CHRM3: variants seen among roughly 807,000 people sequenced by gnomAD.
The protein encoded by CHRM3 is cholinergic receptor muscarinic 3, also known as muscarinic acetylcholine receptor M3.
In CHRM3, 11 loss-of-function variants were observed where a neutral mutation model predicts 41.8. That is an observed-to-expected ratio of 0.26 (90% CI 0.17 to 0.44). The LOEUF (loss-of-function observed/expected upper bound fraction) is 0.44, where lower values mean the gene tolerates loss of function less well. Ranked by LOEUF, CHRM3 falls within the 20% of genes least tolerant of loss-of-function variation. The pLI is 1.00. For synonymous variants in CHRM3, 297 were observed against 301.4 expected, an observed-to-expected ratio of 0.99 and a Z score of 0.15; for missense variants, 571 against 745.4, an observed-to-expected ratio of 0.77 and a Z score of 2.72.
intron 3 of CHRM3, among the ~76,000 whole-genome samples, chr1:239,562,820 G>A (rs1021642883): frequency 6.6e-6 from 1 of 151,296 alleles, no homozygotes; most frequent in Non-Finnish European, 1.5e-5. Context: ...ACTGGAAGGT[G>A]GAGGTTACAG....
At chr1:239,484,090 C>CTT (rs1390752164) in intron 1 of CHRM3, among the ~76,000 whole-genome samples, 185 of 152,216 alleles carry the variant, frequency 1.2e-3, no homozygotes, top group Non-Finnish European at 2.0e-3. Context: ...TGGATGTATT[C>CTT]GTTCTTTCTT....
intron 1 of CHRM3, among the ~76,000 whole-genome samples, chr1:239,482,318 A>G (rs557328019): frequency 1.3e-5 from 2 of 152,198 alleles, no homozygotes; most frequent in South Asian, 2.1e-4. Context: ...GTCCACGTGG[A>G]CATGCGACTG....
intron 5 of CHRM3, among the ~76,000 whole-genome samples, chr1:239,683,523 T>C (rs1372673796): frequency 6.6e-6 from 1 of 152,204 alleles, no homozygotes; most frequent in African/African-American, 2.4e-5. Context: ...TTCACCATTA[T>C]TTTCATCTTT....
intron 3 of CHRM3, among the ~76,000 whole-genome samples, chr1:239,582,854 T>C (rs1006771367): frequency 2.0e-5 from 3 of 152,190 alleles, no homozygotes; most frequent in Non-Finnish European, 2.9e-5. Flanking sequence ...CCAGTGTCTT[T>C]CATTAGGATA....
In CHRM3 at chr1:239,562,888, CAAAAAAAAA is replaced by C. The variant is rs1269385069; in HGVS notation, c.-313+17151_-313+17159del. Among the ~76,000 whole-genome samples, 3 of 51,248 alleles carry C rather than the reference CAAAAAAAAA, an allele frequency of 5.9e-5. No homozygotes were observed. In the Admixed American group the frequency reaches 6.5e-4, roughly 11 times the overall value. The allele number at this position is 51,248 out of a possible 152,430, so 33.6% of individuals were successfully genotyped here. A position where few individuals can be genotyped will look rare whatever the true frequency, so the allele number is the denominator to read the frequency against. On this transcript the variant is annotated intron_variant, in intron 3 of 6. Transcript: ENST00000676153. ...GGGCAAAAGAGTGAAACTCTGTCTC[CAAAAAAAAA>C]AAAAAAAAAAAGGTGTTATTCATTT...
intron 5 of CHRM3, among the ~76,000 whole-genome samples, chr1:239,816,275 C>A (rs186855781): frequency 1.9e-4 from 29 of 152,280 alleles, no homozygotes; most frequent in Middle Eastern, 3.4e-3. Context: ...AATGTGTTTG[C>A]CTTTCTTCAA....
intron 4 of CHRM3, among the ~76,000 whole-genome samples, chr1:239,654,054 C>T (rs1240873591): frequency 6.6e-6 from 1 of 152,134 alleles, no homozygotes; most frequent in African/African-American, 2.4e-5. Context: ...CTCAACTTCC[C>T]AGGCTCGAAC....
intron 6 of CHRM3, among the ~76,000 whole-genome samples, chr1:239,873,343 CT>C (rs1469543311): frequency 5.3e-5 from 8 of 152,064 alleles, no homozygotes; most frequent in African/African-American, 1.9e-4. Flanking sequence ...GGGAAACTTT[CT>C]CTTTTTTTTT....
At chr1:239,581,379 G>T (rs1662882996) in intron 3 of CHRM3, among the ~76,000 whole-genome samples, 1 of 135,646 alleles carries the variant, frequency 7.4e-6, no homozygotes, top group South Asian at 2.4e-4. Flanking sequence ...AGGTGACAAA[G>T]TTAGGATTCA....
chr1:239,637,390 A>G (rs1289407537), intron 4 of CHRM3, among the ~76,000 whole-genome samples: 2 of 152,102 alleles, frequency 1.3e-5, no homozygotes, highest in African/African-American at 4.8e-5. Flanking sequence ...ATTGTTAATA[A>G]CTTTCTACAC....
chr1:239,500,361 C>G (rs1451295814), intron 2 of CHRM3, among the ~76,000 whole-genome samples: 1 of 149,142 alleles, frequency 6.7e-6, no homozygotes, highest in African/African-American at 2.5e-5. Flanking sequence ...CAAACTACCG[C>G]AAGGACAAAA....
chr1:239,888,352 G>A (rs1387580759), intron 6 of CHRM3, among the ~76,000 whole-genome samples: 1 of 151,186 alleles, frequency 6.6e-6, no homozygotes, highest in Admixed American at 6.6e-5. Flanking sequence ...TCCAGCCTGA[G>A]CGAGAGACTC....
intron 6 of CHRM3, among the ~76,000 whole-genome samples, chr1:239,844,133 T>C (rs1674070923): frequency 6.6e-6 from 1 of 152,188 alleles, no homozygotes; most frequent in African/African-American, 2.4e-5. Flanking sequence ...TAAATTGTTA[T>C]TCAACATAGT....
chr1:239,583,159 C>T (rs1319224564), intron 3 of CHRM3, among the ~76,000 whole-genome samples: 1 of 152,172 alleles, frequency 6.6e-6, no homozygotes, highest in African/African-American at 2.4e-5. Flanking sequence ...GAGCGAAATT[C>T]TGTGTGGGCT....
intron 1 of CHRM3, among the ~76,000 whole-genome samples, chr1:239,478,703 T>G: frequency 6.6e-6 from 1 of 152,110 alleles, no homozygotes; most frequent in African/African-American, 2.4e-5. Context: ...TTAAGATAGG[T>G]GAATGGAAAT....
At chr1:239,515,502 A>G (rs1669209548) in intron 2 of CHRM3, among the ~76,000 whole-genome samples, 1 of 151,972 alleles carries the variant, frequency 6.6e-6, no homozygotes, top group South Asian at 2.1e-4. Context: ...TTATACTTCA[A>G]GAAGAGCTGT....
At chr1:239,523,063 G>A (rs1287199743) in intron 2 of CHRM3, among the ~76,000 whole-genome samples, 1 of 151,876 alleles carries the variant, frequency 6.6e-6, no homozygotes, top group African/African-American at 2.4e-5. Context: ...GGGTGGTGTG[G>A]ATTCTTCCCA....
At chr1:239,527,143 A>C (rs1670048683) in intron 2 of CHRM3, among the ~76,000 whole-genome samples, 1 of 152,054 alleles carries the variant, frequency 6.6e-6, no homozygotes, top group Admixed American at 6.6e-5. Context: ...AACAACAAAA[A>C]CAAGAAAGCC....
chr1:239,792,475 T>C (rs982363966), intron 5 of CHRM3, among the ~76,000 whole-genome samples: 1 of 152,170 alleles, frequency 6.6e-6, no homozygotes, highest in Non-Finnish European at 1.5e-5. Flanking sequence ...AGTCACTTGC[T>C]CTCACATAGA....
Sources: gnomAD v4.1 joint callset for allele counts (sites outside exome capture counted in the v4.1 genomes callset) on GRCh38, gnomAD v4.1.1 for gene constraint, MANE v1.5 for transcripts, NCBI Gene and HGNC (gene_info 2026-07-23, HGNC 2026-07-21) for gene names.